ADGRV1: variants seen among roughly 807,000 people sequenced by gnomAD.
ADGRV1 encodes G-protein coupled receptor 98.
ADGRV1 carries 359 observed loss-of-function variants against 596.2 expected under a neutral mutation model. The ratio of observed to expected loss-of-function variants is 0.60; its 90% CI spans 0.55 to 0.66. The LOEUF is 0.66. Ranked by LOEUF, ADGRV1 falls within the 30% of genes least tolerant of loss-of-function variation. The pLI is 0.00. For synonymous variants in ADGRV1, 2,681 were observed against 2,679.2 expected (o/e 1.00, Z -0.02); for missense variants, 7,274 against 7,575.6 (o/e 0.96, Z 1.48).
chr5:90,768,563 C>G (rs1367044525), intron 59 of ADGRV1, among the ~76,000 whole-genome samples: 2 of 152,174 alleles, frequency 1.3e-5, no homozygotes, highest in Non-Finnish European at 2.9e-5. Context: ...TAATAGTTTC[C>G]TGGACTTTCT....
At position 90,724,710 on chromosome 5, in the gene ADGRV1, G is replaced by A. The variant is rs2090594; in HGVS notation, c.9749-122G>A. ...TGTGTCTTTTCACACTCATACACAC[G>A]TCATGAAAGAATTTTCATTTGTAGT... On this transcript the variant is annotated intron_variant, in intron 45 of 89. Coordinates refer to ENST00000405460, the MANE Select transcript of ADGRV1 (RefSeq NM_032119.4). The A allele has an allele frequency of 6.3e-3, 5,176 of 825,762 alleles. 181 individuals carry two copies. In the African/African-American group the frequency reaches 0.081, roughly 13 times the overall value. 51.2% of individuals were successfully genotyped at this position (825,762 alleles called of 1,614,324 possible).
intron 87 of ADGRV1, among the ~76,000 whole-genome samples, chr5:91,147,872 G>A (rs925151910): frequency 6.6e-6 from 1 of 152,178 alleles, no homozygotes; most frequent in African/African-American, 2.4e-5. Flanking sequence ...GAACTTCCTA[G>A]AGATTTGTTG....
In ADGRV1 at chr5:90,882,339, A is replaced by G. The variant is rs553544103; in HGVS notation, c.17856+18482A>G. Among the ~76,000 whole-genome samples the G allele has an allele frequency of 3.3e-5, 5 of 152,358 alleles. No individual in the cohort carries two copies. The East Asian group carries it at 9.6e-4, about 29-fold the overall frequency. ...GAAATATTGAATATTCTGTTGAGAA[A>G]GGAAATATTGAATATCGTCTTAAGA... On this transcript the variant is annotated intron_variant, in intron 83 of 89. Transcript: ENST00000405460.
chr5:90,801,233 C>G (rs1761339825), intron 70 of ADGRV1, among the ~76,000 whole-genome samples: 1 of 152,092 alleles, frequency 6.6e-6, no homozygotes, highest in African/African-American at 2.4e-5. Flanking sequence ...TGTAGGTGAA[C>G]CAGCTTTTCC....
intron 68 of ADGRV1, 23 bp downstream of exon 68, chr5:90,788,333 C>T (rs1056788851): frequency 6.4e-7 from 1 of 1,569,058 alleles, no homozygotes; most frequent in Admixed American, 1.8e-5. Context: ...TTATTTTTCT[C>T]ACAAAATGTG....
intron 27 of ADGRV1, among the ~76,000 whole-genome samples, chr5:90,683,213 TA>T (rs1745172829): frequency 3.0e-5 from 3 of 98,428 alleles, no homozygotes; most frequent in Non-Finnish European, 5.7e-5. Flanking sequence ...AATTGTGTTT[TA>T]TTTATTTTTT....
chr5:90,934,039 A>T (rs1775476001), intron 83 of ADGRV1, among the ~76,000 whole-genome samples: 1 of 152,152 alleles, frequency 6.6e-6, no homozygotes, highest in Non-Finnish European at 1.5e-5. Flanking sequence ...CTATTTCAGA[A>T]AAGTAGCCAT....
intron 76 of ADGRV1, among the ~76,000 whole-genome samples, 151 bp downstream of exon 76, chr5:90,823,747 A>G (rs750017455): frequency 6.6e-6 from 1 of 152,254 alleles, no homozygotes; most frequent in African/African-American, 2.4e-5. Context: ...TTTGCCGACA[A>G]CAGGCTTTAG....
rs1756209024 is a variant in ADGRV1 at position 90,759,395 on chromosome 5, CCTTT to C, written c.11941-8_11941-5del. 6.6e-7 allele frequency: 1 copy of C among 1,525,984 alleles called. No individual in the cohort carries two copies. The highest frequency in any genetic ancestry group is 8.9e-7 in the Non-Finnish European group (1 of 1,123,680). 94.5% of individuals were successfully genotyped at this position (1,525,984 alleles called of 1,614,324 possible). A position where few individuals can be genotyped will look rare whatever the true frequency, so the allele number is the denominator to read the frequency against. ...TCCTCCCTCTCTTTCTCCCTTCCTTCCTTTCTTTCATAGGTTACTGCAATGATAG... is the reference window on the plus strand; with the variant it reads ...TCCTCCCTCTCTTTCTCCCTTCCTTCCTTTCATAGGTTACTGCAATGATAG... On this transcript the variant is annotated splice_polypyrimidine_tract_variant and intron_variant, in intron 57 of 89. Coordinates refer to ENST00000405460, the MANE Select transcript of ADGRV1 (RefSeq NM_032119.4).
chr5:91,009,835 GAGAA>G (rs1255992664), intron 85 of ADGRV1, among the ~76,000 whole-genome samples: 2 of 152,008 alleles, frequency 1.3e-5, no homozygotes, highest in Non-Finnish European at 2.9e-5. Flanking sequence ...TAGAGTCAAG[GAGAA>G]AGAGAGACTA....
At chr5:91,075,948 C>T (rs1788823109) in intron 86 of ADGRV1, among the ~76,000 whole-genome samples, 1 of 152,106 alleles carries the variant, frequency 6.6e-6, no homozygotes. Flanking sequence ...CCTGATATTG[C>T]CATCTTTGCT....
At chr5:90,767,370 A>C (rs1757251017) in intron 59 of ADGRV1, among the ~76,000 whole-genome samples, 2 of 152,330 alleles carry the variant, frequency 1.3e-5, no homozygotes, top group Non-Finnish European at 2.9e-5. Flanking sequence ...CAATTAATTA[A>C]AAAACAAAAA....
At chr5:90,621,766 G>A (rs968261233) in intron 4 of ADGRV1, among the ~76,000 whole-genome samples, 1 of 152,096 alleles carries the variant, frequency 6.6e-6, no homozygotes, top group Non-Finnish European at 1.5e-5. Flanking sequence ...TCACGGTGGT[G>A]CTCAATAGGC....
intron 67 of ADGRV1, among the ~76,000 whole-genome samples, chr5:90,785,964 C>T (rs1039862760): frequency 1.6e-4 from 25 of 152,242 alleles, no homozygotes; most frequent in South Asian, 6.2e-4. Context: ...ATTTTTATTG[C>T]GGCACTGTTG....
At chr5:90,780,413 T>C (rs138475169) in intron 64 of ADGRV1, among the ~76,000 whole-genome samples, 5 of 152,254 alleles carry the variant, frequency 3.3e-5, no homozygotes, top group Admixed American at 6.5e-5. Flanking sequence ...CTTTCAACTC[T>C]AGGTAGGGTA....
chr5:91,011,044 G>A (rs935989489), intron 85 of ADGRV1, among the ~76,000 whole-genome samples: 1 of 151,882 alleles, frequency 6.6e-6, no homozygotes, highest in Non-Finnish European at 1.5e-5. Context: ...AACAATATAC[G>A]TCAATCTACT....
At chr5:90,859,896 A>T (rs6865577) in intron 82 of ADGRV1, among the ~76,000 whole-genome samples, 13,988 of 151,236 alleles carry the variant, frequency 0.092, 681 homozygotes, top group East Asian at 0.17. Context: ...CCTGGGCAAC[A>T]TAGCGAGACC....
rs1295354669 is a variant in ADGRV1 at position 90,774,598 on chromosome 5, C to CCTAAATG, written c.12403+296_12403+302dup. On this transcript the variant is annotated intron_variant, in intron 60 of 89. Transcript: ENST00000405460. Reference sequence around the variant, plus strand: ...AATGTAAAATAAAATATGTCAGCTTCCTAAATGGTCCAACAGTAGGAGACT... The same window carrying CCTAAATG: ...AATGTAAAATAAAATATGTCAGCTTCCTAAATGCTAAATGGTCCAACAGTAGGAGACT... Among the ~76,000 whole-genome samples, 29 of 152,172 alleles carry CCTAAATG rather than the reference C, an allele frequency of 1.9e-4. No homozygotes were observed. In the East Asian group the frequency reaches 5.4e-3, roughly 28 times the overall value.
At chr5:90,708,143 T>C (rs1283327153) in intron 38 of ADGRV1, among the ~76,000 whole-genome samples, 1 of 151,146 alleles carries the variant, frequency 6.6e-6, no homozygotes, top group African/African-American at 2.4e-5. Context: ...TTTGTAAATA[T>C]TGATGGCTGG....
Sources: gnomAD v4.1 joint callset for allele counts (sites outside exome capture counted in the v4.1 genomes callset) on GRCh38, gnomAD v4.1.1 for gene constraint, MANE v1.5 for transcripts, NCBI Gene and HGNC (gene_info 2026-07-23, HGNC 2026-07-21) for gene names.